Variants in DEFB127 observed in about 807,000 individuals in gnomAD.
The protein encoded by DEFB127 is beta-defensin 127.
In DEFB127, 2 loss-of-function variants were observed where a neutral mutation model predicts 2.4. The ratio of observed to expected loss-of-function variants is 0.82; its 90% confidence interval spans 0.34 to 2.58. The LOEUF is 2.58. Ranked by LOEUF, DEFB127 falls within the 30% of genes most tolerant of loss-of-function variation. The pLI is 0.11. For synonymous variants in DEFB127, 37 were observed against 39.8 expected, an observed-to-expected ratio of 0.93 and a Z score of 0.26; for missense variants, 110 against 113.2, an observed-to-expected ratio of 0.97 and a Z score of 0.13.
At chr20:158,750 T>C in intron 1 of DEFB127, 24 bp from the exon 2 acceptor site, 1 of 1,590,988 alleles carries the variant, frequency 6.3e-7, no homozygotes. Flanking sequence ...CTGATATTGT[T>C]CTATTGCTCC....
chr20:159,145 A>G lies in DEFB127; in HGVS notation c.*121A>G. 1 of 1,144,414 alleles carries G rather than the reference A, an allele frequency of 8.7e-7. No individual in the cohort carries two copies. Among genetic ancestry groups the G allele is most frequent in the Non-Finnish European group, 1.2e-6 (1 of 826,484 alleles). The allele number at this position is 1,144,414 out of a possible 1,614,324, so 70.9% of individuals were successfully genotyped here. ...TAAAATGACCTTCGAGCATATTCTA[A>G]TAAAGTGCATTGCCAGTTTTCTGTC... On this transcript the variant is annotated 3_prime_UTR_variant, in exon 2 of 2. Coordinates refer to ENST00000382388, the MANE Select transcript of DEFB127 (RefSeq NM_139074.4).
rs751329960 is a variant in DEFB127, at chr20:157,530, C to T, written c.-15C>T. Reference sequence around the variant, plus strand: ...ACCAAAAGCTTTGGCTGCACCTCTTCTGGAAAGCCTGGCCATGGGGCTCTT... The same window carrying T: ...ACCAAAAGCTTTGGCTGCACCTCTTTTGGAAAGCCTGGCCATGGGGCTCTT... On this transcript the variant is annotated 5_prime_UTR_variant, in exon 1 of 2. Transcript: ENST00000382388. 6.0e-5 allele frequency: 95 copies of T among 1,578,848 alleles called. No individual in the cohort carries two copies. The highest frequency in any genetic ancestry group is 1.4e-4 in the Admixed American group (8 of 55,516).
At position 158,850 on chromosome 20, in the gene DEFB127, G is replaced by A; in HGVS notation, c.126G>A (p.Val42=). The change falls in exon 2 of 2, where the codon GTG becomes GTA. Residue 42 remains valine (V), a synonymous_variant. Transcript: ENST00000382388. ...HCRKICRVNE[V]PEALCENGRY... ...GGAAAATCTGCAGAGTAAATGAAGT[G>A]CCTGAGGCACTATGTGAAAATGGGA... 1 of 1,613,756 alleles carries A rather than the reference G, an allele frequency of 6.2e-7. No individual in the cohort carries two copies. Among genetic ancestry groups the A allele is most frequent in the Non-Finnish European group, 8.5e-7 (1 of 1,179,800 alleles).
intron 1 of DEFB127, among the ~76,000 whole-genome samples, chr20:157,940 T>G (rs2054709575): frequency 6.7e-6 from 1 of 148,428 alleles, no homozygotes; most frequent in Non-Finnish European, 1.5e-5. Flanking sequence ...TATGTGTGTG[T>G]GTGTGTGTGT....
chr20:158,514 G>A (rs2054712101), intron 1 of DEFB127, among the ~76,000 whole-genome samples: 2 of 152,126 alleles, frequency 1.3e-5, no homozygotes, highest in Non-Finnish European at 2.9e-5. Context: ...TATTTTCTCA[G>A]ATAAGATCTT....
chr20:157,686 A>T, intron 1 of DEFB127, 93 bp downstream of exon 1: 1 of 1,415,942 alleles, frequency 7.1e-7, no homozygotes, highest in Non-Finnish European at 9.9e-7. Flanking sequence ...AAAGGGAAAT[A>T]GAGCCCCCAA....
chr20:157,931 A>ATGTGTG (rs1190932870), intron 1 of DEFB127, among the ~76,000 whole-genome samples: 238 of 21,156 alleles, frequency 0.011, no homozygotes, highest in Middle Eastern at 0.071. Context: ...AAATATATAT[A>ATGTGTG]TGTGTGTGTG....
Position 159,017 on chromosome 20 carries a change from C to T in DEFB127, c.293C>T (p.Ser98Phe), listed in dbSNP as rs759191630. Reference sequence around the variant, plus strand: ...AATTTCCCAAGCCTGAAGACACAGTCTACATAAATCAAATACAATTTCGTT... The same window carrying T: ...AATTTCCCAAGCCTGAAGACACAGTTTACATAAATCAAATACAATTTCGTT... ...IENFPSLKTQST is the reference protein window; with the variant it reads ...IENFPSLKTQFT Residue 98 changes from serine to phenylalanine, a missense_variant, in exon 2 of 2, where the codon TCT becomes TTT. Transcript: ENST00000382388. 2 of 1,597,504 alleles carry T rather than the reference C, an allele frequency of 1.3e-6. No individual in the cohort carries two copies. Among genetic ancestry groups the T allele is most frequent in the East Asian group, 2.2e-5 (1 of 44,760 alleles).
chr20:157,811 T>G (rs1308019442), intron 1 of DEFB127, among the ~76,000 whole-genome samples: 4 of 152,168 alleles, frequency 2.6e-5, no homozygotes, highest in African/African-American at 9.7e-5. Context: ...CATAATTTCT[T>G]CTGGGAAAGA....
At position 158,968 on chromosome 20, in the gene DEFB127, CA is replaced by C. The variant is rs750013345; in HGVS notation, c.246del (p.Asp83ThrfsTer5). 1 of 1,613,282 alleles carries C rather than the reference CA, an allele frequency of 6.2e-7. No homozygotes were observed. The highest frequency in any genetic ancestry group is 1.1e-5 in the South Asian group (1 of 91,032). On this transcript the variant is annotated frameshift_variant, in exon 2 of 2. Transcript: ENST00000382388. LOFTEE classifies it low-confidence loss of function (END_TRUNC). Reference sequence around the variant, plus strand: ...GCCAGCAACACTTGCACTGACTCTTCAAGACTATGTTACAATAATAGAAAAT... The same window carrying C: ...GCCAGCAACACTTGCACTGACTCTTCAGACTATGTTACAATAATAGAAAAT... ...PKPATLALTL[Q>X]DYVTIIENFP...
Position 159,044 on chromosome 20 carries a change from T to C in DEFB127, c.*20T>C. ...ACATAAATCAAATACAATTTCGTTT[T>C]CACTTGCTTCTCAACCTAGTCTAAT... On this transcript the variant is annotated 3_prime_UTR_variant, in exon 2 of 2. Transcript: ENST00000382388. The C allele has an allele frequency of 6.3e-7, 1 of 1,583,060 alleles. No individual in the cohort carries two copies. Among genetic ancestry groups the C allele is most frequent in the Non-Finnish European group, 8.6e-7 (1 of 1,166,806 alleles).
chr20:157,961 GTGCA>G (rs1568467327), intron 1 of DEFB127, among the ~76,000 whole-genome samples: 13 of 131,736 alleles, frequency 9.9e-5, no homozygotes, highest in Admixed American at 1.6e-4. Context: ...GTGTGTGTGT[GTGCA>G]TGAATAGAGG....
At position 158,883 on chromosome 20, in the gene DEFB127, T is replaced by C. The variant is rs2054713926; in HGVS notation, c.159T>C (p.Cys53=). Reference sequence around the variant, plus strand: ...CACTATGTGAAAATGGGAGATACTGTTGCCTCAATATCAAGGAACTGGAAG... The same window carrying C: ...CACTATGTGAAAATGGGAGATACTGCTGCCTCAATATCAAGGAACTGGAAG... ...PEALCENGRY[C]CLNIKELEAC... is the part of the protein sequence containing the mutation. The change falls in exon 2 of 2, where the codon TGT becomes TGC. Residue 53 remains cysteine, a synonymous_variant. Coordinates refer to ENST00000382388, the MANE Select transcript of DEFB127 (RefSeq NM_139074.4). 5 of 1,613,806 alleles carry C rather than the reference T, an allele frequency of 3.1e-6. No homozygotes were observed. Among genetic ancestry groups the C allele is most frequent in the Non-Finnish European group, 4.2e-6 (5 of 1,179,816 alleles).
In DEFB127 at chr20:159,161, G is replaced by A; in HGVS notation, c.*137G>A. 1 of 984,030 alleles carries A rather than the reference G, an allele frequency of 1.0e-6. No homozygotes were observed. Among genetic ancestry groups the A allele is most frequent in the Non-Finnish European group, 1.4e-6 (1 of 690,052 alleles). 61.0% of individuals were successfully genotyped at this position (984,030 alleles called of 1,614,324 possible). A position where few individuals can be genotyped will look rare whatever the true frequency, so the allele number is the denominator to read the frequency against. On this transcript the variant is annotated 3_prime_UTR_variant, in exon 2 of 2. Transcript: ENST00000382388. ...CATATTCTAATAAAGTGCATTGCCA[G>A]TTTTCTGTCTCATTTTGTTCTTTAA...
At chr20:158,352 A>G (rs138114021) in intron 1 of DEFB127, among the ~76,000 whole-genome samples, 1 of 152,180 alleles carries the variant, frequency 6.6e-6, no homozygotes, top group African/African-American at 2.4e-5. Flanking sequence ...TGATTCAGAC[A>G]TAAACACATA....
At chr20:157,681 G>A (rs1394575000) in intron 1 of DEFB127, 88 bp downstream of exon 1, 3 of 1,438,346 alleles carry the variant, frequency 2.1e-6, no homozygotes, top group Admixed American at 3.5e-5. Context: ...ACACTAAAGG[G>A]AAATAGAGCC....
intron 1 of DEFB127, among the ~76,000 whole-genome samples, chr20:158,513 A>G (rs12626088): frequency 0.29 from 44,566 of 152,032 alleles, 7,936 homozygotes; most frequent in East Asian, 0.52. Context: ...TTATTTTCTC[A>G]GATAAGATCT....
At chr20:157,706 A>G (rs755204268) in intron 1 of DEFB127, 113 bp downstream of exon 1, 64 of 1,138,082 alleles carry the variant, frequency 5.6e-5, no homozygotes, top group Non-Finnish European at 7.7e-5. Context: ...AAGATGGCTA[A>G]AGTTTATCCA....
intron 1 of DEFB127, 75 bp from the exon 2 acceptor site, chr20:158,699 C>T (rs753842239): frequency 4.7e-5 from 70 of 1,478,390 alleles, no homozygotes; most frequent in African/African-American, 9.8e-5. Flanking sequence ...TACAAGCCTC[C>T]TCTGTCTTCC....
Sources: gnomAD v4.1 joint callset for allele counts (sites outside exome capture counted in the v4.1 genomes callset) on GRCh38, gnomAD v4.1.1 for gene constraint, MANE v1.5 for transcripts, NCBI Gene and HGNC (gene_info 2026-07-23, HGNC 2026-07-21) for gene names.